PCBP3: variants seen among roughly 807,000 people sequenced by gnomAD.
PCBP3 encodes poly(rC) binding protein 3.
Under a neutral mutation model 52.7 loss-of-function variants are expected in PCBP3, and 25 were observed. The observed-to-expected ratio is 0.47, with a 90% confidence interval of 0.35 to 0.66. The LOEUF is 0.66. Among genes scored for constraint, PCBP3 ranks in the 30% least tolerant of loss-of-function variants. PCBP3 has a pLI of 0.01. For synonymous variants in PCBP3, 162 were observed against 183.0 expected (o/e 0.89, Z 0.93); for missense variants, 391 against 490.3 (o/e 0.80, Z 1.91).
At chr21:45,710,270 A>C (rs767644623) in intron 2 of PCBP3, among the ~76,000 whole-genome samples, 5 of 152,194 alleles carry the variant, frequency 3.3e-5, no homozygotes, top group Non-Finnish European at 5.9e-5. Context: ...GTCATTTACC[A>C]TTAGGTATAT....
chr21:45,764,349 C>T (rs913043779), intron 4 of PCBP3, among the ~76,000 whole-genome samples: 13 of 152,094 alleles, frequency 8.5e-5, no homozygotes, highest in African/African-American at 2.9e-4. Context: ...CTCGAACTCC[C>T]GACCTCAGGC....
At chr21:45,854,620 G>A (rs2094196263) in intron 5 of PCBP3, among the ~76,000 whole-genome samples, 1 of 152,230 alleles carries the variant, frequency 6.6e-6, no homozygotes, top group Admixed American at 6.5e-5. Context: ...CCGATATCCT[G>A]TTGTATGTAA....
intron 4 of PCBP3, among the ~76,000 whole-genome samples, chr21:45,781,743 GTACATC>G (rs574833049): frequency 9.5e-4 from 145 of 152,200 alleles, no homozygotes; most frequent in African/African-American, 3.3e-3. Context: ...ACAAATTGTT[GTACATC>G]TATATAATGG....
chr21:45,718,761 GT>G (rs1222968125), intron 2 of PCBP3, among the ~76,000 whole-genome samples: 1 of 152,164 alleles, frequency 6.6e-6, no homozygotes, highest in Admixed American at 6.5e-5. Flanking sequence ...GAGGTAAGCT[GT>G]TAGTGGTTAT....
At position 45,676,814 on chromosome 21, in the gene PCBP3, C is replaced by T. The variant is rs188513448; in HGVS notation, c.-200+7862C>T. ...TGAGACAGAGTCTCACTCTGTTCCC[C>T]AGGCTGGAGTGCAGTGGTGTGATCT... On this transcript the variant is annotated intron_variant, in intron 2 of 17. Coordinates refer to ENST00000681687, the MANE Select transcript of PCBP3 (RefSeq NM_001384156.1). Among the ~76,000 whole-genome samples the T allele has an allele frequency of 2.2e-4, 34 of 152,230 alleles. No individual in the cohort carries two copies. The East Asian group carries it at 6.0e-3, about 27-fold the overall frequency.
chr21:45,689,348 T>G (rs2082332103), intron 2 of PCBP3, among the ~76,000 whole-genome samples: 1 of 151,958 alleles, frequency 6.6e-6, no homozygotes, highest in Non-Finnish European at 1.5e-5. Context: ...TATGATCACC[T>G]CAATACATGC....
chr21:45,649,208 G>A (rs1165721756), intron 1 of PCBP3, among the ~76,000 whole-genome samples: 1 of 152,152 alleles, frequency 6.6e-6, no homozygotes, highest in African/African-American at 2.4e-5. Flanking sequence ...CTTGTGCAGG[G>A]AAACTCCCCT....
At chr21:45,849,674 C>T (rs556894227) in intron 4 of PCBP3, among the ~76,000 whole-genome samples, 19 of 152,182 alleles carry the variant, frequency 1.2e-4, no homozygotes, top group African/African-American at 3.9e-4. Flanking sequence ...TAAGGAAATA[C>T]GTAAGTAAGT....
chr21:45,688,821 A>G (rs1028098515), intron 2 of PCBP3, among the ~76,000 whole-genome samples: 4 of 151,906 alleles, frequency 2.6e-5, no homozygotes, highest in African/African-American at 9.7e-5. Flanking sequence ...ATGATGCAAT[A>G]TTTTATATCA....
chr21:45,825,455 G>A (rs1253608258), intron 4 of PCBP3, among the ~76,000 whole-genome samples: 1 of 152,034 alleles, frequency 6.6e-6, no homozygotes, highest in Non-Finnish European at 1.5e-5. Context: ...CCCGTGTCCT[G>A]CCTGCCGCCC....
At chr21:45,869,397 A>T (rs113498624) in intron 5 of PCBP3, 1 of 148,286 alleles carries the variant, frequency 6.7e-6, no homozygotes, top group African/African-American at 2.5e-5. Context: ...CCCCTCGGGC[A>T]CCCTGGGGTC....
intron 4 of PCBP3, among the ~76,000 whole-genome samples, chr21:45,846,574 C>T (rs1241383037): frequency 6.6e-6 from 1 of 152,194 alleles, no homozygotes; most frequent in African/African-American, 2.4e-5. Context: ...TGACCCCTTA[C>T]CTTGCCATGG....
At chr21:45,773,615 G>A (rs575709101) in intron 4 of PCBP3, among the ~76,000 whole-genome samples, 1 of 152,114 alleles carries the variant, frequency 6.6e-6, no homozygotes, top group Non-Finnish European at 1.5e-5. Context: ...TTTTATATAA[G>A]TGCCATACTG....
At chr21:45,645,451 GC>G (rs2079192349) in intron 1 of PCBP3, among the ~76,000 whole-genome samples, 1 of 152,176 alleles carries the variant, frequency 6.6e-6, no homozygotes, top group African/African-American at 2.4e-5. Context: ...CCCAGGTGCT[GC>G]TGATTAGTGG....
chr21:45,661,313 C>T (rs1013755165), intron 1 of PCBP3, among the ~76,000 whole-genome samples: 2 of 152,042 alleles, frequency 1.3e-5, no homozygotes, highest in Admixed American at 6.5e-5. Flanking sequence ...TCTCACCCTC[C>T]CACCTTTCCA....
chr21:45,751,813 A>C (rs1364405710), intron 3 of PCBP3, among the ~76,000 whole-genome samples: 1 of 152,172 alleles, frequency 6.6e-6, no homozygotes, highest in Non-Finnish European at 1.5e-5. Context: ...TCAGCTCATG[A>C]CTTTTTGCTA....
At chr21:45,782,575 C>T (rs2090721927) in intron 4 of PCBP3, among the ~76,000 whole-genome samples, 5 of 152,082 alleles carry the variant, frequency 3.3e-5, no homozygotes, top group Admixed American at 3.3e-4. Flanking sequence ...GGTCAAATGT[C>T]ATGTAATGAG....
intron 3 of PCBP3, chr21:45,753,108 C>T (rs1395674939): frequency 9.5e-6 from 1 of 105,340 alleles, no homozygotes; most frequent in Non-Finnish European, 1.7e-5. Context: ...GCCTGGGTGA[C>T]AGAGCAAGAC....
chr21:45,926,969 G>C (rs371792388), intron 13 of PCBP3, among the ~76,000 whole-genome samples: 1 of 152,252 alleles, frequency 6.6e-6, no homozygotes, highest in East Asian at 1.9e-4. Flanking sequence ...TGAAATGCTG[G>C]GGTGCTCTTG....
Sources: gnomAD v4.1 joint callset for allele counts (sites outside exome capture counted in the v4.1 genomes callset) on GRCh38, gnomAD v4.1.1 for gene constraint, MANE v1.5 for transcripts, NCBI Gene and HGNC (gene_info 2026-07-23, HGNC 2026-07-21) for gene names.